CIRSR: variants seen among roughly 807,000 people sequenced by gnomAD.
The protein encoded by CIRSR is corepressor of RBPJ and splicing regulator.
chr2:174,369,951 A>T, the CIRSR span: 1 of 1,361,418 alleles, frequency 7.3e-7, no homozygotes, highest in Admixed American at 1.9e-5. Context: ...ACGGTTGGAA[A>T]ACTGGTGCTG....
the CIRSR span, among the ~76,000 whole-genome samples, chr2:174,364,480 T>G: frequency 3.2e-3 from 490 of 152,320 alleles, no homozygotes; most frequent in African/African-American, 0.011. Context: ...CCAGTACTGC[T>G]TAGTAGCCTC....
the CIRSR span, among the ~76,000 whole-genome samples, chr2:174,367,590 AT>A: frequency 6.6e-6 from 1 of 151,848 alleles, no homozygotes; most frequent in Non-Finnish European, 1.5e-5. Flanking sequence ...CACCAAAAAA[AT>A]ATTTGGTGGG....
At chr2:174,382,221 G>C in the CIRSR span, among the ~76,000 whole-genome samples, 1 of 152,136 alleles carries the variant, frequency 6.6e-6, no homozygotes, top group Non-Finnish European at 1.5e-5. Context: ...AAAAGGCAAA[G>C]GAATCAGTTT....
chr2:174,368,897 C>T, the CIRSR span, among the ~76,000 whole-genome samples: 1 of 152,160 alleles, frequency 6.6e-6, no homozygotes, highest in African/African-American at 2.4e-5. Context: ...CTTCCATTTA[C>T]AGAGCACATG....
chr2:174,349,539 T>TG, the CIRSR span, among the ~76,000 whole-genome samples: 1 of 133,238 alleles, frequency 7.5e-6, no homozygotes, highest in African/African-American at 2.8e-5. Context: ...CACTCCAGCT[T>TG]GGGCAAAAGA....
At chr2:174,392,897 T>C in the CIRSR span, among the ~76,000 whole-genome samples, 2 of 152,214 alleles carry the variant, frequency 1.3e-5, no homozygotes, top group African/African-American at 4.8e-5. Flanking sequence ...AAACTGGGAC[T>C]GCAGATTTGA....
At chr2:174,349,088 T>G in the CIRSR span, 1 of 1,545,586 alleles carries the variant, frequency 6.5e-7, no homozygotes, top group Non-Finnish European at 8.7e-7. Flanking sequence ...AGGACTTATG[T>G]TTTTTGTGTT....
At chr2:174,371,543 T>C in the CIRSR span, among the ~76,000 whole-genome samples, 1 of 152,164 alleles carries the variant, frequency 6.6e-6, no homozygotes, top group Non-Finnish European at 1.5e-5. Flanking sequence ...TTATCTGGAG[T>C]GGATGAAAAC....
the CIRSR span, among the ~76,000 whole-genome samples, chr2:174,357,902 G>A: frequency 6.6e-6 from 1 of 152,164 alleles, no homozygotes; most frequent in Non-Finnish European, 1.5e-5. Flanking sequence ...AATGTTTTAT[G>A]TATGATTTTC....
the CIRSR span, among the ~76,000 whole-genome samples, chr2:174,352,852 T>G: frequency 1.3e-5 from 2 of 151,892 alleles, no homozygotes; most frequent in Non-Finnish European, 2.9e-5. Context: ...TACGGGAGGG[T>G]AGGGGGATAG....
chr2:174,352,835 G>A, the CIRSR span, among the ~76,000 whole-genome samples: 1 of 152,182 alleles, frequency 6.6e-6, no homozygotes, highest in Non-Finnish European at 1.5e-5. Flanking sequence ...TGCCAAAAAG[G>A]AGTTCATACG....
At chr2:174,395,476 ATCACTT>A in the CIRSR span, 1 of 1,402,362 alleles carries the variant, frequency 7.1e-7, no homozygotes, top group Non-Finnish European at 1.0e-6. Flanking sequence ...CAGAGACACC[ATCACTT>A]TCACTTCCAG....
the CIRSR span, among the ~76,000 whole-genome samples, chr2:174,361,870 A>G: frequency 1.3e-5 from 2 of 152,156 alleles, no homozygotes; most frequent in Non-Finnish European, 2.9e-5. Flanking sequence ...TTTTAAAAGC[A>G]ATTTTGTATA....
the CIRSR span, chr2:174,351,739 TCA>T: frequency 1.9e-6 from 3 of 1,604,572 alleles, no homozygotes; most frequent in South Asian, 2.2e-5. Context: ...TTCACAAAAA[TCA>T]CAGTTTGAAT....
chr2:174,350,600 C>A, the CIRSR span: 8 of 1,080,014 alleles, frequency 7.4e-6, no homozygotes, highest in Admixed American at 1.8e-4. Flanking sequence ...GAGTTGAATA[C>A]GATACTGAGA....
the CIRSR span, chr2:174,387,559 CG>C: frequency 9.7e-7 from 1 of 1,028,240 alleles, no homozygotes; most frequent in Non-Finnish European, 1.4e-6. Context: ...ATAGCCCTCA[CG>C]GAAAGACACG....
chr2:174,377,278 A>AAC, the CIRSR span, among the ~76,000 whole-genome samples: 1 of 152,214 alleles, frequency 6.6e-6, no homozygotes, highest in African/African-American at 2.4e-5. Flanking sequence ...ACGGGTATAT[A>AAC]ACACACACCA....
the CIRSR span, among the ~76,000 whole-genome samples, chr2:174,393,635 T>C: frequency 6.6e-6 from 1 of 151,848 alleles, no homozygotes; most frequent in African/African-American, 2.4e-5. Flanking sequence ...AAAATTTTCA[T>C]GGTGGAACTC....
At chr2:174,381,427 G>A in the CIRSR span, among the ~76,000 whole-genome samples, 2 of 152,080 alleles carry the variant, frequency 1.3e-5, no homozygotes, top group African/African-American at 4.8e-5. Flanking sequence ...GGCCGAGGTA[G>A]GTGGATCACG....
Sources: allele counts gnomAD v4.1 joint callset (sites outside exome capture counted in the v4.1 genomes callset), GRCh38; gene constraint gnomAD v4.1.1; transcripts MANE v1.5; gene names NCBI Gene and HGNC (gene_info 2026-07-23, HGNC 2026-07-21).